The following SLC29A3 variants were observed in gnomAD, a reference collection of about 807,000 sequenced individuals.
The protein encoded by SLC29A3 is solute carrier family 29 member 3.
SLC29A3 carries 18 observed loss-of-function variants against 25.4 expected under a neutral mutation model. The observed-to-expected ratio is 0.71, with a 90% CI of 0.49 to 1.05. The LOEUF is 1.05. SLC29A3 is among the 50% of genes least tolerant of loss of function. SLC29A3 has a pLI of 0.00. For missense variants in SLC29A3, 586 were observed against 609.0 expected, an observed-to-expected ratio of 0.96 and a Z score of 0.40; for synonymous variants, 258 against 267.1, an observed-to-expected ratio of 0.97 and a Z score of 0.33.
downstream of SLC29A3, chr10:71,364,415 T>A (rs528927034): frequency 3.9e-5 from 6 of 152,334 alleles, no homozygotes; most frequent in Admixed American, 2.6e-4. Context: ...GGCGATCTCC[T>A]GACATGAAGA....
At chr10:71,353,798 G>GT (rs1846825329) in intron 4 of SLC29A3, among the ~76,000 whole-genome samples, 1 of 152,238 alleles carries the variant, frequency 6.6e-6, no homozygotes, top group Admixed American at 6.5e-5. Flanking sequence ...TTGCGCTGGT[G>GT]TTTTTTTAAA....
At chr10:71,347,216 T>C (rs1846614292) in intron 3 of SLC29A3, among the ~76,000 whole-genome samples, 1 of 152,188 alleles carries the variant, frequency 6.6e-6, no homozygotes, top group Non-Finnish European at 1.5e-5. Context: ...GCCAAGTGTT[T>C]TATTATGTTA....
At chr10:71,347,537 A>G (rs969074036) in intron 3 of SLC29A3, among the ~76,000 whole-genome samples, 3 of 152,318 alleles carry the variant, frequency 2.0e-5, no homozygotes, top group Admixed American at 1.3e-4. Flanking sequence ...CCTGGGTGGA[A>G]GCAGCAGAGA....
rs930951439 is a variant in SLC29A3 at position 71,361,899 on chromosome 10, GCTGA to G, written c.774-52_774-49del. 4.4e-6 allele frequency: 7 copies of G among 1,606,932 alleles called. No homozygotes were observed. The African/African-American group carries it at 5.3e-5, about 12-fold the overall frequency. ...GTTCTGAGTGCCCACCCCTGGCTGTGCTGACTCAGATCCCAAGCAACCTGCTTGA... is the reference window on the plus strand; with the variant it reads ...GTTCTGAGTGCCCACCCCTGGCTGTGCTCAGATCCCAAGCAACCTGCTTGA... On this transcript the variant is annotated intron_variant, in intron 5 of 5. Transcript: ENST00000373189.
chr10:71,360,457 A>G (rs563245513), intron 5 of SLC29A3, among the ~76,000 whole-genome samples: 1 of 152,276 alleles, frequency 6.6e-6, no homozygotes, highest in Admixed American at 6.5e-5. Context: ...AAGGAGACAC[A>G]TGATAAACAA....
At chr10:71,345,327 G>A (rs925919251) in intron 3 of SLC29A3, among the ~76,000 whole-genome samples, 2 of 152,194 alleles carry the variant, frequency 1.3e-5, no homozygotes, top group Non-Finnish European at 2.9e-5. Context: ...CAGTCAGATG[G>A]CAGCTGGAGC....
chr10:71,350,875 C>T (rs1846736896), intron 3 of SLC29A3, among the ~76,000 whole-genome samples: 2 of 152,190 alleles, frequency 1.3e-5, no homozygotes, highest in African/African-American at 4.8e-5. Flanking sequence ...TGTCAGCTTC[C>T]TTATCTGTAT....
Position 71,322,916 on chromosome 10 carries a change from C to T in SLC29A3, c.162C>T (p.Tyr54=). 1 of 1,614,238 alleles carries T rather than the reference C, an allele frequency of 6.2e-7. No individual in the cohort carries two copies. The highest frequency in any genetic ancestry group is 8.5e-7 in the Non-Finnish European group (1 of 1,180,052). Residue 54 remains tyrosine (Y), a synonymous_variant, in exon 2 of 6, where the codon TAC becomes TAT. Coordinates refer to ENST00000373189, the MANE Select transcript of SLC29A3 (RefSeq NM_018344.6). ...CCGAGGACCGCTTCTGTGGCACATA[C>T]ATCATCTTCTTCAGCCTGGGCATTG... The part of the protein sequence containing the change: ...QRPEDRFCGT[Y]IIFFSLGIGS...
chr10:71,365,513 C>CTT (rs1460946525), downstream of SLC29A3: 1 of 152,280 alleles, frequency 6.6e-6, no homozygotes, highest in East Asian at 1.9e-4. Context: ...AGATGATAGA[C>CTT]TAAGTTGCAT....
rs1845889389 is a variant in SLC29A3, at chr10:71,323,034, C to T, written c.280C>T (p.Pro94Ser). The change falls in exon 2 of 6, where the codon CCT becomes TCT. Residue 94 changes from proline to serine, a missense_variant. Coordinates refer to ENST00000373189, the MANE Select transcript of SLC29A3 (RefSeq NM_018344.6). ...CTCCAGCCCAGCCACCGGGGAGGACCCTGAGGGCTCAGACATCCTGGTAAG... is the reference window on the plus strand; with the variant it reads ...CTCCAGCCCAGCCACCGGGGAGGACTCTGAGGGCTCAGACATCCTGGTAAG... The part of the protein sequence containing the change: ...NSSSPATGED[P>S]EGSDILNYFE... 6.2e-7 allele frequency: 1 copy of T among 1,613,346 alleles called. No homozygotes were observed. Among genetic ancestry groups the T allele is most frequent in the South Asian group, 1.1e-5 (1 of 91,060 alleles).
intron 5 of SLC29A3, among the ~76,000 whole-genome samples, chr10:71,360,207 G>C (rs151150636): frequency 7.4e-6 from 1 of 135,668 alleles, no homozygotes; most frequent in African/African-American, 2.8e-5. Context: ...GCAGTGATGC[G>C]GTCTTGGCTC....
intron 2 of SLC29A3, among the ~76,000 whole-genome samples, chr10:71,334,221 T>C (rs1044001555): frequency 2.6e-5 from 4 of 152,348 alleles, no homozygotes; most frequent in Admixed American, 2.6e-4. Context: ...TATTTTAGGC[T>C]TTGTGGGCCC....
intron 2 of SLC29A3, among the ~76,000 whole-genome samples, chr10:71,326,604 C>T (rs1845977994): frequency 6.6e-6 from 1 of 152,256 alleles, no homozygotes; most frequent in Admixed American, 6.5e-5. Context: ...CTGCCCTGCC[C>T]CTCCTCTGTC....
Position 71,362,402 on chromosome 10 carries a change from G to C in SLC29A3, c.1222G>C (p.Val408Leu). 6.2e-7 allele frequency: 1 copy of C among 1,614,174 alleles called. No individual in the cohort carries two copies. Among genetic ancestry groups the C allele is most frequent in the Non-Finnish European group, 8.5e-7 (1 of 1,180,048 alleles). ...YQPRVHLKTVVFQSDVYPALL... is the reference protein window; with the variant it reads ...YQPRVHLKTVLFQSDVYPALL... ...GCCCCGCGTCCACCTGAAGACTGTG[G>C]TCTTCCAGTCCGATGTGTACCCCGC... Residue 408 changes from valine to leucine, a missense_variant, in exon 6 of 6, where the codon GTC becomes CTC. By Grantham distance (32) the Val-to-Leu change is conservative. Coordinates refer to ENST00000373189, the MANE Select transcript of SLC29A3 (RefSeq NM_018344.6).
chr10:71,354,175 G>A (rs886693955), intron 4 of SLC29A3, among the ~76,000 whole-genome samples: 3 of 152,294 alleles, frequency 2.0e-5, no homozygotes, highest in East Asian at 3.9e-4. Flanking sequence ...GCACTTCTCC[G>A]CACCAGGCAG....
chr10:71,358,068 C>G (rs1270625659), intron 5 of SLC29A3, among the ~76,000 whole-genome samples: 1 of 152,210 alleles, frequency 6.6e-6, no homozygotes, highest in African/African-American at 2.4e-5. Context: ...TATTTTCTCA[C>G]TTGAGAGCTG....
intron 2 of SLC29A3, among the ~76,000 whole-genome samples, chr10:71,333,926 G>A (rs1408677747): frequency 6.6e-6 from 1 of 152,192 alleles, no homozygotes; most frequent in Non-Finnish European, 1.5e-5. Flanking sequence ...GTACATGAGG[G>A]GAATAAAGGG....
At chr10:71,322,065 C>T (rs1328293066) in intron 1 of SLC29A3, among the ~76,000 whole-genome samples, 2 of 151,920 alleles carry the variant, frequency 1.3e-5, no homozygotes, top group Non-Finnish European at 2.9e-5. Context: ...GTTTTTGAAC[C>T]GGTAATAAAC....
intron 3 of SLC29A3, among the ~76,000 whole-genome samples, chr10:71,350,820 G>A (rs1340767275): frequency 6.6e-6 from 1 of 152,114 alleles, no homozygotes; most frequent in Non-Finnish European, 1.5e-5. Context: ...AGGCCTCCTG[G>A]GTTCATTGCT....
Sources: gnomAD v4.1 joint callset for allele counts (sites outside exome capture counted in the v4.1 genomes callset) on GRCh38, gnomAD v4.1.1 for gene constraint, MANE v1.5 for transcripts, NCBI Gene and HGNC (gene_info 2026-07-23, HGNC 2026-07-21) for gene names.